C8orf34: variants seen among roughly 807,000 people sequenced by gnomAD.
The protein encoded by C8orf34 is chromosome 8 open reading frame 34.
In C8orf34, 65 loss-of-function variants were observed where a neutral mutation model predicts 68.3. The ratio of observed to expected loss-of-function variants is 0.95; its 90% CI spans 0.78 to 1.17. The LOEUF (loss-of-function observed/expected upper bound fraction) is 1.17, where lower values mean the gene tolerates loss of function less well. C8orf34 is among the 50% of genes most tolerant of loss of function. The probability of loss-of-function intolerance (pLI) is 0.00; values close to 1 mark genes in which losing one functional copy is unlikely to be tolerated. For missense variants in C8orf34, 664 were observed against 655.4 expected, an observed-to-expected ratio of 1.01 and a Z score of -0.14; for synonymous variants, 244 against 241.2, an observed-to-expected ratio of 1.01 and a Z score of -0.11.
intron 8 of C8orf34, among the ~76,000 whole-genome samples, chr8:68,675,345 A>G (rs1820150999): frequency 6.6e-6 from 1 of 152,188 alleles, no homozygotes; most frequent in Non-Finnish European, 1.5e-5. Flanking sequence ...ACTGATCAAA[A>G]ATAATTACAA....
At chr8:68,580,336 AAAG>A (rs1203385971) in intron 7 of C8orf34, among the ~76,000 whole-genome samples, 4 of 152,102 alleles carry the variant, frequency 2.6e-5, no homozygotes, top group Non-Finnish European at 5.9e-5. Flanking sequence ...GAGAGGAGTA[AAAG>A]AAGAAGAAAA....
chr8:68,579,455 C>T (rs767209240), intron 7 of C8orf34, among the ~76,000 whole-genome samples: 1 of 152,102 alleles, frequency 6.6e-6, no homozygotes. Flanking sequence ...CTTTGCTGCT[C>T]CCCAGACAAT....
intron 7 of C8orf34, among the ~76,000 whole-genome samples, chr8:68,589,278 TTG>T (rs1209007588): frequency 2.6e-5 from 4 of 152,188 alleles, no homozygotes; most frequent in African/African-American, 9.6e-5. Flanking sequence ...TCATATTTCA[TTG>T]TGTTTGACTT....
chr8:68,818,970 G>A lies in C8orf34; in HGVS notation c.*724G>A, dbSNP rs1228645285. ...TAATATATGCTCGCTTTTGGAATGT[G>A]TTATGCATTGATGTTAAGTGAATGG... On this transcript the variant is annotated 3_prime_UTR_variant, in exon 14 of 14. Coordinates refer to ENST00000518698, the MANE Select transcript of C8orf34 (RefSeq NM_052958.4). 1 of 152,104 alleles carries A rather than the reference G, an allele frequency of 6.6e-6. No homozygotes were observed. The highest frequency in any genetic ancestry group is 2.4e-5 in the African/African-American group (1 of 41,400). The allele number at this position is 152,104 out of a possible 1,614,324, so 9.4% of individuals were successfully genotyped here. A position where few individuals can be genotyped will look rare whatever the true frequency, so the allele number is the denominator to read the frequency against.
chr8:68,658,119 C>T (rs1819562037), intron 8 of C8orf34, among the ~76,000 whole-genome samples: 1 of 152,180 alleles, frequency 6.6e-6, no homozygotes, highest in African/African-American at 2.4e-5. Context: ...AATCACTTTT[C>T]TTGGGACCTC....
chr8:68,694,854 G>A (rs893184334), intron 8 of C8orf34, among the ~76,000 whole-genome samples: 40 of 152,014 alleles, frequency 2.6e-4, no homozygotes, highest in African/African-American at 8.9e-4. Flanking sequence ...TAAATGGTGA[G>A]CATAAGCCCT....
At chr8:68,468,541 C>A in intron 3 of C8orf34, 151 bp from the exon 4 acceptor site, 1 of 630,212 alleles carries the variant, frequency 1.6e-6, no homozygotes, top group Non-Finnish European at 2.5e-6. Flanking sequence ...TTCATATCTT[C>A]CCCTCTTTTT....
At chr8:68,334,044 G>T (rs1396563674) in intron 1 of C8orf34, among the ~76,000 whole-genome samples, 1 of 152,144 alleles carries the variant, frequency 6.6e-6, no homozygotes, top group African/African-American at 2.4e-5. Context: ...CTGATATTGA[G>T]AATACTTGAT....
intron 8 of C8orf34, among the ~76,000 whole-genome samples, chr8:68,665,174 G>C (rs997084332): frequency 1.3e-5 from 2 of 152,160 alleles, no homozygotes; most frequent in Admixed American, 6.5e-5. Flanking sequence ...TTATTTGAGT[G>C]AGTCAATATA....
chr8:68,634,957 C>T (rs2130712757), intron 7 of C8orf34, among the ~76,000 whole-genome samples: 1 of 152,230 alleles, frequency 6.6e-6, no homozygotes, highest in East Asian at 1.9e-4. Context: ...TCCAGTGAAC[C>T]AGCAAATGAA....
At chr8:68,497,941 G>A (rs1388448170) in intron 5 of C8orf34, among the ~76,000 whole-genome samples, 1 of 152,080 alleles carries the variant, frequency 6.6e-6, no homozygotes, top group Non-Finnish European at 1.5e-5. Flanking sequence ...CGATTTTCCT[G>A]CCTCAGCCTC....
At chr8:68,480,341 A>G (rs1812806215) in intron 4 of C8orf34, among the ~76,000 whole-genome samples, 1 of 152,324 alleles carries the variant, frequency 6.6e-6, no homozygotes, top group South Asian at 2.1e-4. Flanking sequence ...CTCTCCAGCC[A>G]TGTGGAGATG....
intron 9 of C8orf34, among the ~76,000 whole-genome samples, chr8:68,716,531 A>G (rs944516959): frequency 3.3e-5 from 5 of 152,080 alleles, no homozygotes; most frequent in Non-Finnish European, 7.4e-5. Context: ...AGCAGATGAA[A>G]AATACTTAAA....
At chr8:68,497,577 C>A (rs1270903666) in intron 5 of C8orf34, among the ~76,000 whole-genome samples, 1 of 152,028 alleles carries the variant, frequency 6.6e-6, no homozygotes, top group Non-Finnish European at 1.5e-5. Context: ...CCTTGTCATA[C>A]TATTTTAATA....
At chr8:68,683,691 C>T (rs926491908) in intron 8 of C8orf34, among the ~76,000 whole-genome samples, 3 of 152,024 alleles carry the variant, frequency 2.0e-5, no homozygotes, top group African/African-American at 7.2e-5. Context: ...ATATCAGAAC[C>T]TGTACATAGT....
At chr8:68,818,051 C>T (rs16935104) in intron 13 of C8orf34, among the ~76,000 whole-genome samples, 188 bp from the exon 14 acceptor site, 22,564 of 152,110 alleles carry the variant, frequency 0.15, 1,887 homozygotes, top group East Asian at 0.43. Flanking sequence ...TAGAATTTTA[C>T]ACAGATATCA....
At chr8:68,534,096 G>GTA in intron 7 of C8orf34, 2 of 983,530 alleles carry the variant, frequency 2.0e-6, no homozygotes, top group Non-Finnish European at 2.4e-6. Flanking sequence ...GTTTATGGCA[G>GTA]TAAAATACTA....
intron 1 of C8orf34, among the ~76,000 whole-genome samples, chr8:68,399,687 T>C (rs1022583580): frequency 2.0e-5 from 3 of 152,186 alleles, no homozygotes; most frequent in Admixed American, 6.5e-5. Flanking sequence ...GTAGTGGGAT[T>C]GCTGGATCAA....
chr8:68,592,013 T>TA (rs1817403681), intron 7 of C8orf34, among the ~76,000 whole-genome samples: 1 of 152,154 alleles, frequency 6.6e-6, no homozygotes, highest in South Asian at 2.1e-4. Flanking sequence ...TTTTTATGAG[T>TA]AAAATCACAG....
Sources: gnomAD v4.1 joint callset for allele counts (sites outside exome capture counted in the v4.1 genomes callset) on GRCh38, gnomAD v4.1.1 for gene constraint, MANE v1.5 for transcripts, NCBI Gene and HGNC (gene_info 2026-07-23, HGNC 2026-07-21) for gene names.